Variants in EPHB1 observed in about 807,000 individuals in gnomAD.
EPHB1 encodes ephrin type-B receptor 1.
Under a neutral mutation model 94.4 loss-of-function variants are expected in EPHB1, and 30 were observed. The observed-to-expected ratio is 0.32, with a 90% CI of 0.24 to 0.43. The LOEUF (loss-of-function observed/expected upper bound fraction) is 0.43. EPHB1 is among the 20% of genes least tolerant of loss of function. The pLI, the probability that EPHB1 is intolerant of heterozygous loss-of-function variation, is 1.00. For missense variants in EPHB1, 1,055 were observed against 1,308.3 expected (o/e 0.81, Z 2.99); for synonymous variants, 522 against 489.1 (o/e 1.07, Z -0.89).
intron 1 of EPHB1, chr3:134,852,458 T>C (rs915216741): frequency 6.6e-6 from 1 of 152,200 alleles, no homozygotes; most frequent in Non-Finnish European, 1.5e-5. Context: ...ACCTCCTTCA[T>C]GGTATTTTAG....
intron 1 of EPHB1, among the ~76,000 whole-genome samples, chr3:134,900,777 G>C (rs2038183276): frequency 6.6e-6 from 1 of 152,148 alleles, no homozygotes; most frequent in Non-Finnish European, 1.5e-5. Context: ...GTGTGTACAT[G>C]GTGTGCATTT....
At chr3:135,076,925 T>A (rs190281013) in intron 3 of EPHB1, among the ~76,000 whole-genome samples, 5 of 152,146 alleles carry the variant, frequency 3.3e-5, no homozygotes, top group Admixed American at 6.5e-5. Flanking sequence ...TGCCTAGAAT[T>A]AGGGGGTAGG....
Position 135,252,340 on chromosome 3 carries a change from T to A in EPHB1, c.2846+2849T>A, listed in dbSNP as rs1408002082. Among the ~76,000 whole-genome samples, 41 of 147,960 alleles carry A rather than the reference T, an allele frequency of 2.8e-4. 1 individual carries two copies. The highest frequency in any genetic ancestry group is 1.5e-5 in the Non-Finnish European group (1 of 66,820). ...CTAACTCGTCATCTAGCATAAGGTA[T>A]ATCTCCCAATGCTATCCCTCCCCCC... On this transcript the variant is annotated intron_variant, in intron 15 of 15. Coordinates refer to ENST00000398015, the MANE Select transcript of EPHB1 (RefSeq NM_004441.5).
intron 3 of EPHB1, among the ~76,000 whole-genome samples, chr3:135,004,836 T>G (rs1935330726): frequency 9.3e-5 from 14 of 150,910 alleles, no homozygotes; most frequent in Non-Finnish European, 1.3e-4. Context: ...TTCTCTGTAT[T>G]GGTTATTCTA....
At chr3:135,187,051 C>G (rs1361972849) in intron 10 of EPHB1, among the ~76,000 whole-genome samples, 1 of 152,202 alleles carries the variant, frequency 6.6e-6, no homozygotes, top group African/African-American at 2.4e-5. Context: ...GATACTGATG[C>G]TACTGGTCAA....
chr3:134,995,625 T>A (rs1337972917), intron 3 of EPHB1, among the ~76,000 whole-genome samples: 1 of 152,096 alleles, frequency 6.6e-6, no homozygotes, highest in African/African-American at 2.4e-5. Flanking sequence ...ACAGAATGGC[T>A]AAAATAAAAA....
At chr3:135,116,112 G>A (rs1057365485) in intron 4 of EPHB1, among the ~76,000 whole-genome samples, 2 of 152,184 alleles carry the variant, frequency 1.3e-5, no homozygotes, top group African/African-American at 4.8e-5. Context: ...TACTCAGGAG[G>A]CTGAGGCAGG....
rs550303168 is a variant in EPHB1 at position 134,812,813 on chromosome 3, A to G, written c.58+17124A>G. Among the ~76,000 whole-genome samples, 3 of 152,288 alleles carry G rather than the reference A, an allele frequency of 2.0e-5. No individual in the cohort carries two copies. In the East Asian group the frequency reaches 5.8e-4, roughly 29 times the overall value. Reference sequence around the variant, plus strand: ...TTTTAACCACCCTGGTGGGTGTCTCATGGCATCTCATTGTTTGTTTTCGTT... The same window carrying G: ...TTTTAACCACCCTGGTGGGTGTCTCGTGGCATCTCATTGTTTGTTTTCGTT... On this transcript the variant is annotated intron_variant, in intron 1 of 15. Transcript: ENST00000398015.
chr3:135,180,014 C>T (rs1327086897), intron 10 of EPHB1, 32 bp downstream of exon 10: 2 of 1,612,058 alleles, frequency 1.2e-6, no homozygotes, highest in East Asian at 2.2e-5. Context: ...TTTCTGTTCT[C>T]CTGGTGTCCA....
At chr3:135,073,444 C>T (rs2107783006) in intron 3 of EPHB1, among the ~76,000 whole-genome samples, 1 of 152,288 alleles carries the variant, frequency 6.6e-6, no homozygotes, top group East Asian at 1.9e-4. Flanking sequence ...AATTGTCAAA[C>T]CAAGACCAAT....
At chr3:135,050,777 C>G (rs1338508849) in intron 3 of EPHB1, among the ~76,000 whole-genome samples, 2 of 152,156 alleles carry the variant, frequency 1.3e-5, no homozygotes, top group African/African-American at 4.8e-5. Context: ...TGCTTCCTCT[C>G]TCGCCATATG....
At chr3:134,815,888 C>A (rs1439419753) in intron 1 of EPHB1, among the ~76,000 whole-genome samples, 1 of 152,134 alleles carries the variant, frequency 6.6e-6, no homozygotes, top group Non-Finnish European at 1.5e-5. Flanking sequence ...AGCCCCTGCC[C>A]CTAGTTTCAA....
chr3:135,037,288 C>G (rs1297741810), intron 3 of EPHB1, among the ~76,000 whole-genome samples: 1 of 152,218 alleles, frequency 6.6e-6, no homozygotes, highest in Non-Finnish European at 1.5e-5. Context: ...TGGGATCAGA[C>G]TGTGGCCTCT....
chr3:135,157,443 A>G (rs774475579), intron 6 of EPHB1, among the ~76,000 whole-genome samples: 19 of 152,180 alleles, frequency 1.2e-4, no homozygotes, highest in Non-Finnish European at 2.6e-4. Flanking sequence ...TCAACTTTTT[A>G]TGCTGTAAAA....
At chr3:134,961,881 C>T (rs1038452753) in intron 3 of EPHB1, among the ~76,000 whole-genome samples, 1 of 152,150 alleles carries the variant, frequency 6.6e-6, no homozygotes, top group Non-Finnish European at 1.5e-5. Context: ...GTCTTTGCAC[C>T]TATATGTGAG....
At chr3:135,011,832 T>C (rs1935630599) in intron 3 of EPHB1, among the ~76,000 whole-genome samples, 1 of 152,240 alleles carries the variant, frequency 6.6e-6, no homozygotes, top group South Asian at 2.1e-4. Flanking sequence ...CATTTTCTAC[T>C]AGGTGGTTTG....
intron 3 of EPHB1, among the ~76,000 whole-genome samples, chr3:135,000,626 C>T (rs1219296355): frequency 9.2e-5 from 14 of 152,152 alleles, no homozygotes; most frequent in Admixed American, 5.9e-4. Flanking sequence ...GTACTTGAAC[C>T]GTGTCCTGGG....
chr3:135,021,325 A>G (rs1191477588), intron 3 of EPHB1, among the ~76,000 whole-genome samples: 2 of 151,978 alleles, frequency 1.3e-5, no homozygotes, highest in Non-Finnish European at 2.9e-5. Flanking sequence ...CCATCTGGTA[A>G]CATATGTTTC....
chr3:135,159,449 T>A (rs1941449958), intron 6 of EPHB1, among the ~76,000 whole-genome samples: 2 of 152,256 alleles, frequency 1.3e-5, no homozygotes, highest in African/African-American at 4.8e-5. Flanking sequence ...GCAGATTCTA[T>A]TAAAACCAGA....
Sources: allele counts gnomAD v4.1 joint callset (sites outside exome capture counted in the v4.1 genomes callset), GRCh38; gene constraint gnomAD v4.1.1; transcripts MANE v1.5; gene names NCBI Gene and HGNC (gene_info 2026-07-23, HGNC 2026-07-21).